PCDH15: variants seen among roughly 807,000 people sequenced by gnomAD.
PCDH15 encodes protocadherin-15.
In PCDH15, 129 loss-of-function variants were observed where a neutral mutation model predicts 178.5. The observed-to-expected ratio is 0.72, with a 90% confidence interval of 0.63 to 0.84. The LOEUF is 0.84. Among genes scored for constraint, PCDH15 ranks in the 40% least tolerant of loss-of-function variants. PCDH15 has a pLI of 0.00. For synonymous variants in PCDH15, 800 were observed against 732.0 expected (o/e 1.09, Z -1.50); for missense variants, 2,230 against 2,099.9 (o/e 1.06, Z -1.21).
rs552238874 is a variant in PCDH15 at position 54,818,276 on chromosome 10, A to C, written c.-29+79174T>G. 5.3e-5 allele frequency among the ~76,000 whole-genome samples: 8 copies of C among 152,174 alleles called. No individual in the cohort carries two copies. In the East Asian group the frequency reaches 1.5e-3, roughly 29 times the overall value. On this transcript the variant is annotated intron_variant, in intron 3 of 5. Coordinates refer to the PCDH15 transcript ENST00000458638. ...AAGAAGAGAATAAAATGATTGAGTA[A>C]TTATTAGGGCATATTCAGTAAAATT...
chr10:55,511,405 C>A (rs1457771809), intron 2 of PCDH15, among the ~76,000 whole-genome samples: 1 of 152,004 alleles, frequency 6.6e-6, no homozygotes, highest in East Asian at 1.9e-4. Context: ...AGAACACTGA[C>A]AAAACCTGAT....
chr10:53,901,604 A>C (rs2133639771), intron 26 of PCDH15, among the ~76,000 whole-genome samples: 1 of 152,258 alleles, frequency 6.6e-6, no homozygotes, highest in African/African-American at 2.4e-5. Flanking sequence ...TAACTGTTTA[A>C]ATCATTCAAA....
intron 13 of PCDH15, among the ~76,000 whole-genome samples, chr10:54,176,284 TAA>T (rs2047431559): frequency 6.6e-6 from 1 of 152,124 alleles, no homozygotes; most frequent in Non-Finnish European, 1.5e-5. Context: ...GACAGACACG[TAA>T]AAGTTAGCCT....
intron 3 of PCDH15, among the ~76,000 whole-genome samples, chr10:54,826,596 A>C (rs747228202): frequency 6.6e-6 from 1 of 152,008 alleles, no homozygotes; most frequent in East Asian, 1.9e-4. Context: ...TGGAAAATCT[A>C]ATTCGACTTA....
chr10:53,930,417 C>A (rs1290909988), intron 25 of PCDH15, among the ~76,000 whole-genome samples: 1 of 127,934 alleles, frequency 7.8e-6, no homozygotes, highest in East Asian at 2.6e-4. Flanking sequence ...GAGACCGTGC[C>A]ACTGTACTCC....
chr10:55,100,908 G>C (rs185566606), intron 2 of PCDH15, among the ~76,000 whole-genome samples: 1 of 152,116 alleles, frequency 6.6e-6, no homozygotes, highest in Non-Finnish European at 1.5e-5. Flanking sequence ...GTAGGACAAA[G>C]AAAGAGTAAT....
intron 3 of PCDH15, among the ~76,000 whole-genome samples, chr10:54,488,491 A>G (rs1477392171): frequency 6.6e-6 from 1 of 151,870 alleles, no homozygotes; most frequent in Non-Finnish European, 1.5e-5. Flanking sequence ...ATCATACTAT[A>G]TGTATTCATT....
At chr10:54,136,543 GT>G (rs2042920585) in intron 14 of PCDH15, among the ~76,000 whole-genome samples, 1 of 152,068 alleles carries the variant, frequency 6.6e-6, no homozygotes, top group African/African-American at 2.4e-5. Flanking sequence ...GAATATCAGT[GT>G]CTTAAAGCTT....
At chr10:54,683,237 G>A (rs1018448611) in intron 1 of PCDH15, among the ~76,000 whole-genome samples, 2 of 151,756 alleles carry the variant, frequency 1.3e-5, no homozygotes, top group Admixed American at 1.3e-4. Context: ...TTACAGTTTA[G>A]TGGCTTTAAG....
intron 3 of PCDH15, among the ~76,000 whole-genome samples, chr10:54,493,604 GA>G (rs910059896): frequency 6.8e-5 from 10 of 147,716 alleles, no homozygotes; most frequent in Admixed American, 1.4e-4. Flanking sequence ...CAGTGACCCT[GA>G]AAAAAAAAAT....
At chr10:55,582,624 ATATATT>A (rs1842643182) in intron 2 of PCDH15, among the ~76,000 whole-genome samples, 1 of 62,268 alleles carries the variant, frequency 1.6e-5, no homozygotes, top group African/African-American at 6.3e-5. Flanking sequence ...ATATATATAT[ATATATT>A]TTTTTTTTTT....
intron 2 of PCDH15, among the ~76,000 whole-genome samples, chr10:55,433,056 C>CAAAA (rs1422318896): frequency 9.2e-5 from 1 of 10,840 alleles, no homozygotes; most frequent in Non-Finnish European, 1.2e-4. Flanking sequence ...CAAAACAAAA[C>CAAAA]AAAAACAGAA....
At chr10:54,867,881 A>G (rs1218641770) in intron 3 of PCDH15, among the ~76,000 whole-genome samples, 1 of 152,136 alleles carries the variant, frequency 6.6e-6, no homozygotes, top group Non-Finnish European at 1.5e-5. Flanking sequence ...GTAACTGAAG[A>G]TCTACTGCAC....
chr10:54,212,062 T>G (rs2134088850), intron 10 of PCDH15, among the ~76,000 whole-genome samples: 1 of 152,232 alleles, frequency 6.6e-6, no homozygotes, highest in Non-Finnish European at 1.5e-5. Flanking sequence ...TGTACCCAGG[T>G]ACACCAGGAC....
At chr10:54,179,327 C>G (rs1447204632) in intron 13 of PCDH15, among the ~76,000 whole-genome samples, 18 of 149,942 alleles carry the variant, frequency 1.2e-4, no homozygotes, top group African/African-American at 4.2e-4. Flanking sequence ...GGACAAAAAA[C>G]CAAACACCGC....
intron 20 of PCDH15, among the ~76,000 whole-genome samples, chr10:54,014,123 CAG>C (rs2092672231): frequency 6.6e-6 from 1 of 152,018 alleles, no homozygotes; most frequent in Admixed American, 6.6e-5. Context: ...AAAGAACACT[CAG>C]AGACTATGAA....
Position 53,808,913 on chromosome 10 carries a change from C to T in PCDH15, c.4671+1643G>A, listed in dbSNP as rs190515330. 122 of 1,575,844 alleles carry T rather than the reference C, an allele frequency of 7.7e-5. No individual in the cohort carries two copies. The East Asian group carries it at 1.7e-3, about 21-fold the overall frequency. ...CCCTCTTCAGGGATATCTTGAGCTT[C>T]AGGGTCTGTACTTTCTTCCACAGGG... is the stretch of plus-strand genomic sequence containing the variant. On this transcript the variant is annotated intron_variant, in intron 37 of 37. Transcript: ENST00000644397.
Position 54,596,565 on chromosome 10 carries a change from G to A in PCDH15, c.91+67607C>T, listed in dbSNP as rs140557666. 9.4e-3 allele frequency among the ~76,000 whole-genome samples: 1,429 copies of A among 152,120 alleles called. 9 individuals carry two copies. The highest frequency in any genetic ancestry group is 0.015 in the Non-Finnish European group (1,012 of 67,960). ...ACCAAACAAGTCAGCATAATAAGTC[G>A]ACAGCAACAGGATAACAAGATCAAA... On this transcript the variant is annotated intron_variant, in intron 2 of 37. Transcript: ENST00000644397.
chr10:54,674,945 TACTC>T (rs950042167), intron 1 of PCDH15, among the ~76,000 whole-genome samples: 5 of 152,058 alleles, frequency 3.3e-5, no homozygotes, highest in African/African-American at 7.2e-5. Flanking sequence ...TAAGTTGTCT[TACTC>T]ACAAAGACTA....
Sources: allele counts gnomAD v4.1 joint callset (sites outside exome capture counted in the v4.1 genomes callset), GRCh38; gene constraint gnomAD v4.1.1; transcripts MANE v1.5; gene names NCBI Gene and HGNC (gene_info 2026-07-23, HGNC 2026-07-21).